The following ACVRL1 variants were observed in gnomAD, a reference collection of about 807,000 sequenced individuals.
ACVRL1 encodes activin A receptor like type 1, also known as activin receptor type-1-like.
ACVRL1 carries 20 observed loss-of-function variants against 51.9 expected under a neutral mutation model. That is an observed-to-expected ratio of 0.39 (90% CI 0.27 to 0.56). The LOEUF (loss-of-function observed/expected upper bound fraction) is 0.56, where lower values mean the gene tolerates loss of function less well. Among genes scored for constraint, ACVRL1 ranks in the 20% least tolerant of loss-of-function variants. ACVRL1 has a pLI of 0.67. For missense variants in ACVRL1, 451 were observed against 670.3 expected, an observed-to-expected ratio of 0.67 and a Z score of 3.61; for synonymous variants, 288 against 280.9, an observed-to-expected ratio of 1.03 and a Z score of -0.25.
In ACVRL1 at chr12:51,918,990, G is replaced by A. The variant is rs753480401; in HGVS notation, c.1252G>A (p.Val418Met). The change falls in exon 9 of 10, where the codon GTG becomes ATG. Residue 418 changes from valine (V) to methionine (M), a missense_variant. Val to Met is a conservative substitution (Grantham distance 21, BLOSUM62 1). This residue lies in a region of ACVRL1 where 259 missense variants were observed against 453.4 expected (regional missense o/e 0.57). Coordinates refer to ENST00000388922, the MANE Select transcript of ACVRL1 (RefSeq NM_000020.3). ...IARRTIVNGI[V>M]EDYRPPFYDV... The stretch of plus-strand genomic sequence containing the variant: ...TGTCCATTCTCCATTTCCAGGCATC[G>A]TGGAGGACTATAGACCACCCTTCTA... 1.4e-5 allele frequency: 23 copies of A among 1,614,202 alleles called. No homozygotes were observed. Among genetic ancestry groups the A allele is most frequent in the South Asian group, 2.2e-5 (2 of 91,084 alleles).
rs1219051285 is a variant in ACVRL1, at chr12:51,917,245, A to T, written c.1246+1012A>T. Reference sequence around the variant, plus strand: ...GTGCTCATCATCACTGTGTGCACTTAAACCTCTCTGGCCCTTGATTTCCTC... The same window carrying T: ...GTGCTCATCATCACTGTGTGCACTTTAACCTCTCTGGCCCTTGATTTCCTC... On this transcript the variant is annotated intron_variant, in intron 8 of 9. Transcript: ENST00000388922. This position sits in a 1 kb window ranked among gnomAD's most constrained non-coding sequence, Gnocchi z 4.2. Among the ~76,000 whole-genome samples the T allele has an allele frequency of 6.6e-6, 1 of 152,212 alleles. No homozygotes were observed. The highest frequency in any genetic ancestry group is 1.5e-5 in the Non-Finnish European group (1 of 68,034).
intron 7 of ACVRL1, 63 bp from the exon 8 acceptor site, chr12:51,915,972 CT>C: frequency 6.4e-7 from 1 of 1,562,982 alleles, no homozygotes; most frequent in East Asian, 2.3e-5. Flanking sequence ...CAGTCCCCAC[CT>C]TGCCTGCCCC....
rs1592221830 is a variant in ACVRL1, at chr12:51,913,269, AG to A, written c.237del (p.Arg80AlafsTer42). On this transcript the variant is annotated frameshift_variant, in exon 3 of 10. Coordinates refer to ENST00000388922, the MANE Select transcript of ACVRL1 (RefSeq NM_000020.3). LOFTEE classifies it high-confidence loss of function. ...CGGGAACTTGCACAGGGAGCTCTGC[AG>A]GGGGCGCCCCACCGAGTTCGTCAAC... The part of the protein sequence containing the change: ...GCGNLHRELC[R>X]GRPTEFVNHY... 1 of 1,599,692 alleles carries A rather than the reference AG, an allele frequency of 6.3e-7. No individual in the cohort carries two copies. The highest frequency in any genetic ancestry group is 8.5e-7 in the Non-Finnish European group (1 of 1,173,288).
chr12:51,913,451 GGGGGAGCGGGT>G, intron 3 of ACVRL1, 97 bp from the exon 4 acceptor site: 1 of 1,534,456 alleles, frequency 6.5e-7, no homozygotes, highest in Non-Finnish European at 8.8e-7. Context: ...GGCTGGGGGC[GGGGGAGCGGGT>G]GGGCAGGACT....
intron 3 of ACVRL1, 94 bp downstream of exon 3, chr12:51,913,444 TG>T (rs1940745062): frequency 2.7e-6 from 2 of 750,584 alleles, no homozygotes; most frequent in Non-Finnish European, 2.1e-6. Context: ...ATAAAGGGGC[TG>T]GGGGCGGGGG....
intron 2 of ACVRL1, 62 bp downstream of exon 2, chr12:51,912,597 C>G: frequency 1.4e-6 from 2 of 1,396,930 alleles, no homozygotes; most frequent in Non-Finnish European, 2.0e-6. Context: ...TATCTGGGCC[C>G]AGATCAGCTC....
rs1423421761 is a variant in ACVRL1, at chr12:51,920,881, A to G, written c.1500A>G (p.Lys500=). Residue 500 remains lysine, a synonymous_variant, in exon 10 of 10, where the codon AAA becomes AAG. Coordinates refer to ENST00000388922, the MANE Select transcript of ACVRL1 (RefSeq NM_000020.3). ...TTAGCAACAGTCCAGAGAAGCCTAAAGTGATTCAATAGCCCAGGAGCACCT... is the reference window on the plus strand; with the variant it reads ...TTAGCAACAGTCCAGAGAAGCCTAAGGTGATTCAATAGCCCAGGAGCACCT... ...QKISNSPEKP[K]VIQ is the part of the protein sequence containing the mutation. 6 of 1,377,196 alleles carry G rather than the reference A, an allele frequency of 4.4e-6. No individual in the cohort carries two copies. The highest frequency in any genetic ancestry group is 5.8e-6 in the Non-Finnish European group (6 of 1,032,382). 85.3% of individuals were successfully genotyped at this position (1,377,196 alleles called of 1,614,324 possible).
chr12:51,912,182 A>T, intron 1 of ACVRL1: 1 of 598,528 alleles, frequency 1.7e-6, no homozygotes, highest in Non-Finnish European at 3.0e-6. Context: ...ACCTGCCTGC[A>T]GTCTGAGCTC....
rs542810348 is a variant in ACVRL1, at chr12:51,915,310, C to T, written c.858C>T (p.Tyr286=). Residue 286 remains tyrosine, a synonymous_variant, in exon 7 of 10, where the codon TAC becomes TAT. Coordinates refer to ENST00000388922, the MANE Select transcript of ACVRL1 (RefSeq NM_000020.3). ...ACTACCACGAGCACGGCTCCCTCTA[C>T]GACTTTCTGCAGAGACAGACGCTGG... ...ITHYHEHGSL[Y]DFLQRQTLEP... is the part of the protein sequence containing the mutation. 11 of 1,614,200 alleles carry T rather than the reference C, an allele frequency of 6.8e-6. No homozygotes were observed. In the Admixed American group the frequency reaches 1.8e-4, roughly 27 times the overall value.
chr12:51,920,674 C>G, intron 9 of ACVRL1, 85 bp from the exon 10 acceptor site: 1 of 1,496,482 alleles, frequency 6.7e-7, no homozygotes, highest in Non-Finnish European at 9.1e-7. Context: ...ACCCACCTCC[C>G]TCTGCATCTC....
At chr12:51,916,365 A>G in intron 8 of ACVRL1, 132 bp downstream of exon 8, 1 of 926,220 alleles carries the variant, frequency 1.1e-6, no homozygotes. Flanking sequence ...CATGCTGCCC[A>G]CCAGCTGGTT....
In ACVRL1 at chr12:51,918,981, C is replaced by A. The variant is rs1940905506; in HGVS notation, c.1247-4C>A. On this transcript the variant is annotated splice_polypyrimidine_tract_variant and splice_region_variant and intron_variant, in intron 8 of 9. Transcript: ENST00000388922. ...TGATTGTCCTGTCCATTCTCCATTT[C>A]CAGGCATCGTGGAGGACTATAGACC... 6.2e-7 allele frequency: 1 copy of A among 1,614,110 alleles called. No individual in the cohort carries two copies. Among genetic ancestry groups the A allele is most frequent in the African/African-American group, 1.3e-5 (1 of 74,946 alleles).
chr12:51,919,086 A>G lies in ACVRL1; in HGVS notation c.1348A>G (p.Thr450Ala), dbSNP rs146206499. The G allele has an allele frequency of 2.9e-4, 465 of 1,613,694 alleles. 1 individual carries two copies. Among genetic ancestry groups the G allele is most frequent in the Middle Eastern group, 2.6e-3 (16 of 6,062 alleles). ...GGTGTGTGTGGATCAGCAGACCCCC[A>G]CCATCCCTAACCGGCTGGCTGCAGA... ...KVVCVDQQTP[T>A]IPNRLAADPV... The change falls in exon 9 of 10, where the codon ACC becomes GCC. Residue 450 changes from threonine to alanine, a missense_variant. By Grantham distance (58) the Thr-to-Ala change is moderately conservative (BLOSUM62 0). Transcript: ENST00000388922.
At chr12:51,908,840 C>T (rs1031833510) in intron 1 of ACVRL1, among the ~76,000 whole-genome samples, 1 of 152,170 alleles carries the variant, frequency 6.6e-6, no homozygotes, top group Non-Finnish European at 1.5e-5. Flanking sequence ...AGGATTTGAA[C>T]CCAGGTCTCC....
Position 51,913,223 on chromosome 12 carries a change from C to A in ACVRL1, c.186C>A (p.His62Gln). ...TVVLVREEGR[H>Q]PQEHRGCGNL... ...TGCTGGTGCGGGAGGAGGGGAGGCA[C>A]CCCCAGGAACATCGGGGCTGCGGGA... Residue 62 changes from histidine to glutamine, a missense_variant, in exon 3 of 10, where the codon CAC becomes CAA. Transcript: ENST00000388922. 2 of 1,589,750 alleles carry A rather than the reference C, an allele frequency of 1.3e-6. No individual in the cohort carries two copies. Among genetic ancestry groups the A allele is most frequent in the Non-Finnish European group, 1.7e-6 (2 of 1,168,590 alleles).
At position 51,921,239 on chromosome 12, in the gene ACVRL1, G is replaced by C. The variant is rs887853545; in HGVS notation, c.*346G>C. The C allele has an allele frequency of 5.4e-6, 2 of 367,156 alleles. No individual in the cohort carries two copies. The highest frequency in any genetic ancestry group is 2.1e-5 in the African/African-American group (1 of 47,360). 22.7% of individuals were successfully genotyped at this position (367,156 alleles called of 1,614,324 possible). The stretch of plus-strand genomic sequence containing the variant: ...AATCCCAGTCCCAGACTCAGAGCCC[G>C]GGCCTGCACTTTGCCCCCTGCCCTT... On this transcript the variant is annotated 3_prime_UTR_variant, in exon 10 of 10. Coordinates refer to ENST00000388922, the MANE Select transcript of ACVRL1 (RefSeq NM_000020.3).
rs1439583784 is a variant in ACVRL1 at position 51,913,315 on chromosome 12, A to C, written c.278A>C (p.His93Pro). Reference sequence around the variant, plus strand: ...GTCAACCACTACTGCTGCGACAGCCACCTCTGCAACCACAACGTGTCCCTG... The same window carrying C: ...GTCAACCACTACTGCTGCGACAGCCCCCTCTGCAACCACAACGTGTCCCTG... ...EFVNHYCCDSHLCNHNVSLVL... is the reference protein window; with the variant it reads ...EFVNHYCCDSPLCNHNVSLVL... Residue 93 changes from histidine to proline, a missense_variant, in exon 3 of 10, where the codon CAC becomes CCC. By Grantham distance (77) the His-to-Pro change is moderately conservative (BLOSUM62 -2). This residue lies in a region of ACVRL1 where 192 missense variants were observed against 216.9 expected (regional missense o/e 0.89). Transcript: ENST00000388922. 1.9e-6 allele frequency: 3 copies of C among 1,611,874 alleles called. No individual in the cohort carries two copies. The highest frequency in any genetic ancestry group is 2.5e-6 in the Non-Finnish European group (3 of 1,179,420).
intron 1 of ACVRL1, among the ~76,000 whole-genome samples, chr12:51,908,213 C>T (rs551496834): frequency 1.3e-5 from 2 of 152,314 alleles, no homozygotes; most frequent in Admixed American, 6.5e-5. Context: ...CTCCTTGCCA[C>T]GACCTTCCTT....
rs774820974 is a variant in ACVRL1, at chr12:51,915,476, C to T, written c.1024C>T (p.Leu342=). ...CCGCAATGTGCTGGTCAAGAGCAACCTGCAGTGTTGCATCGCCGACCTGGG... is the reference window on the plus strand; with the variant it reads ...CCGCAATGTGCTGGTCAAGAGCAACTTGCAGTGTTGCATCGCCGACCTGGG... The part of the protein sequence containing the change: ...KSRNVLVKSN[L]QCCIADLGLA... Residue 342 remains leucine (L), a synonymous_variant, in exon 7 of 10, where the codon CTG becomes TTG. Transcript: ENST00000388922. The T allele has an allele frequency of 6.8e-6, 11 of 1,610,790 alleles. No homozygotes were observed. In the South Asian group the frequency reaches 1.2e-4, roughly 18 times the overall value.
Sources: gnomAD v4.1 joint callset for allele counts (sites outside exome capture counted in the v4.1 genomes callset) on GRCh38, gnomAD v4.1.1 for gene constraint, gnomAD v4.1.1 regional missense constraint, Gnocchi (gnomAD v3.1) non-coding constraint, MANE v1.5 for transcripts, NCBI Gene and HGNC (gene_info 2026-07-23, HGNC 2026-07-21) for gene names.